The following CTNNA3 variants were observed in gnomAD, a reference collection of about 807,000 sequenced individuals.
CTNNA3 encodes the protein catenin alpha 3.
In CTNNA3, 76 loss-of-function variants were observed where a neutral mutation model predicts 95.7. The ratio of observed to expected loss-of-function variants is 0.79; its 90% CI spans 0.66 to 0.96. The LOEUF (loss-of-function observed/expected upper bound fraction) is 0.96. Among genes scored for constraint, CTNNA3 ranks in the 40% least tolerant of loss-of-function variants. CTNNA3 has a pLI of 0.00. For missense variants in CTNNA3, 1,191 were observed against 1,089.8 expected (o/e 1.09, Z -1.31); for synonymous variants, 431 against 374.4 (o/e 1.15, Z -1.74).
At chr10:67,639,085 A>C (rs546416781) in intron 2 of CTNNA3, among the ~76,000 whole-genome samples, 2 of 152,264 alleles carry the variant, frequency 1.3e-5, no homozygotes, top group South Asian at 2.1e-4. Flanking sequence ...TTTTTTGAAA[A>C]GGTCAACAAA....
chr10:66,076,033 A>C (rs944545734), intron 14 of CTNNA3, among the ~76,000 whole-genome samples: 1 of 151,524 alleles, frequency 6.6e-6, no homozygotes, highest in Non-Finnish European at 1.5e-5. Context: ...AATTCATATC[A>C]CTCATATGAA....
At chr10:66,632,220 C>G (rs1340821606) in intron 9 of CTNNA3, among the ~76,000 whole-genome samples, 1 of 151,842 alleles carries the variant, frequency 6.6e-6, no homozygotes, top group Non-Finnish European at 1.5e-5. Context: ...TAATGTGCAT[C>G]TGGAAGAATA....
intron 16 of CTNNA3, among the ~76,000 whole-genome samples, chr10:65,970,444 A>T (rs1482152449): frequency 2.0e-5 from 3 of 151,956 alleles, no homozygotes; most frequent in African/African-American, 7.2e-5. Context: ...TTGAATGTGA[A>T]TAGCCTAAAC....
At chr10:66,854,196 A>T (rs1030712895) in intron 7 of CTNNA3, among the ~76,000 whole-genome samples, 8 of 151,982 alleles carry the variant, frequency 5.3e-5, no homozygotes, top group Non-Finnish European at 1.2e-4. Context: ...TTTCACACAA[A>T]ATTGAGATAT....
intron 7 of CTNNA3, among the ~76,000 whole-genome samples, chr10:67,128,976 CA>C (rs1169188333): frequency 6.6e-6 from 1 of 151,698 alleles, no homozygotes; most frequent in Non-Finnish European, 1.5e-5. Context: ...TAAAAATGTA[CA>C]TTAATTTAAA....
At chr10:66,978,326 G>C (rs887555545) in intron 7 of CTNNA3, among the ~76,000 whole-genome samples, 1 of 151,470 alleles carries the variant, frequency 6.6e-6, no homozygotes, top group African/African-American at 2.4e-5. Context: ...AGGAGTTCGA[G>C]ACCAGCCTGG....
intron 7 of CTNNA3, among the ~76,000 whole-genome samples, chr10:67,145,899 T>A (rs1193870810): frequency 3.9e-5 from 6 of 152,250 alleles, no homozygotes; most frequent in African/African-American, 1.4e-4. Flanking sequence ...ATTACCATAT[T>A]GAGGATTTAT....
intron 5 of CTNNA3, among the ~76,000 whole-genome samples, chr10:67,425,906 CAG>C (rs1325293672): frequency 6.6e-6 from 1 of 152,048 alleles, no homozygotes; most frequent in African/African-American, 2.4e-5. Context: ...CTCCATGCTG[CAG>C]AGAGACATCC....
intron 10 of CTNNA3, among the ~76,000 whole-genome samples, chr10:66,545,789 A>G (rs1321229601): frequency 2.0e-5 from 3 of 151,940 alleles, no homozygotes; most frequent in Admixed American, 1.3e-4. Flanking sequence ...TCTGTTTTCT[A>G]TATGTTCATT....
intron 11 of CTNNA3, among the ~76,000 whole-genome samples, chr10:66,449,476 T>C (rs1005006364): frequency 2.6e-5 from 4 of 152,174 alleles, no homozygotes; most frequent in African/African-American, 9.6e-5. Flanking sequence ...TCCAATTGTT[T>C]GATTTTTGGC....
chr10:67,385,167 T>A (rs1844104533), intron 5 of CTNNA3, among the ~76,000 whole-genome samples: 1 of 152,224 alleles, frequency 6.6e-6, no homozygotes, highest in South Asian at 2.1e-4. Context: ...TCAATGTGAA[T>A]GCTACCAAAA....
chr10:67,717,742 C>T lies in CTNNA3; in HGVS notation c.-2+45692G>A, dbSNP rs574611362. On this transcript the variant is annotated intron_variant, in intron 1 of 17. Transcript: ENST00000684154. ...GTAGCCTTGTAGTATAGTTTGAAGT[C>T]GGGTAGCATGATGCCTCCAGCTTTG... 3.3e-5 allele frequency among the ~76,000 whole-genome samples: 5 copies of T among 152,208 alleles called. No homozygotes were observed. The South Asian group carries it at 6.2e-4, about 19-fold the overall frequency.
intron 1 of CTNNA3, among the ~76,000 whole-genome samples, chr10:67,741,320 T>C (rs12247088): frequency 1.3e-5 from 1 of 76,962 alleles, no homozygotes; most frequent in Non-Finnish European, 2.9e-5. Flanking sequence ...AATAAAAAAA[T>C]AAAAAAATAA....
Position 67,607,016 on chromosome 10 carries a change from A to G in CTNNA3, c.133T>C (p.Ser45Pro). ...TTLVNCPQNPSSRKKGRSKRA... is the reference protein window; with the variant it reads ...TTLVNCPQNPPSRKKGRSKRA... The stretch of plus-strand genomic sequence containing the variant: ...TTCGAACGTCCTTTTTTCCTGCTGG[A>G]AGGGTTCTGGGGACAGTTTACAAGT... The change falls in exon 3 of 18, where the codon TCC becomes CCC. Residue 45 changes from serine (S) to proline (P), a missense_variant. Coordinates refer to ENST00000433211, the MANE Select transcript of CTNNA3 (RefSeq NM_013266.4). The G allele has an allele frequency of 6.2e-7, 1 of 1,614,046 alleles. No homozygotes were observed. The highest frequency in any genetic ancestry group is 8.5e-7 in the Non-Finnish European group (1 of 1,179,964).
chr10:66,165,761 A>G (rs1351741199), intron 13 of CTNNA3, among the ~76,000 whole-genome samples: 1 of 147,926 alleles, frequency 6.8e-6, no homozygotes, highest in Non-Finnish European at 1.5e-5. Flanking sequence ...CAATTTATTT[A>G]TTTATTTTAT....
intron 12 of CTNNA3, among the ~76,000 whole-genome samples, chr10:66,350,277 A>G (rs2092556831): frequency 6.6e-6 from 1 of 152,226 alleles, no homozygotes; most frequent in East Asian, 1.9e-4. Context: ...TCTTAGAGGA[A>G]GCATTCAGGA....
chr10:66,386,944 T>C (rs1208716043), intron 11 of CTNNA3, among the ~76,000 whole-genome samples: 1 of 152,116 alleles, frequency 6.6e-6, no homozygotes, highest in African/African-American at 2.4e-5. Context: ...CAAAAATTAA[T>C]TCAAGATGGA....
At chr10:66,342,819 A>T (rs2092467009) in intron 12 of CTNNA3, among the ~76,000 whole-genome samples, 1 of 152,076 alleles carries the variant, frequency 6.6e-6, no homozygotes, top group Non-Finnish European at 1.5e-5. Flanking sequence ...TTAATATTCA[A>T]TAATTTTTGG....
At position 67,736,982 on chromosome 10, in the gene CTNNA3, G is replaced by A. The variant is rs138500681; in HGVS notation, c.-2+26452C>T. Among the ~76,000 whole-genome samples, 90 of 151,490 alleles carry A rather than the reference G, an allele frequency of 5.9e-4. 2 individuals are homozygous for A. The highest frequency in any genetic ancestry group is 2.1e-3 in the African/African-American group (85 of 41,322). ...TTTTTATTTTAATTTTTTTTTGGGG[G>A]GGACAGCGTCTCACACTGTCACCCA... is the stretch of plus-strand genomic sequence containing the variant. On this transcript the variant is annotated intron_variant, in intron 1 of 17. Coordinates refer to the CTNNA3 transcript ENST00000684154.
Sources: gnomAD v4.1 joint callset for allele counts (sites outside exome capture counted in the v4.1 genomes callset) on GRCh38, gnomAD v4.1.1 for gene constraint, MANE v1.5 for transcripts, NCBI Gene and HGNC (gene_info 2026-07-23, HGNC 2026-07-21) for gene names.